Variants in SYMPK observed in about 807,000 individuals in gnomAD.
SYMPK encodes symplekin.
In SYMPK, 49 loss-of-function variants were observed where a neutral mutation model predicts 136.4. The ratio of observed to expected loss-of-function variants is 0.36; its 90% CI spans 0.29 to 0.46. The LOEUF (loss-of-function observed/expected upper bound fraction) is 0.46, where lower values mean the gene tolerates loss of function less well. Among genes scored for constraint, SYMPK ranks in the 20% least tolerant of loss-of-function variants. The pLI is 1.00. For synonymous variants in SYMPK, 766 were observed against 713.0 expected (o/e 1.07, Z -1.19); for missense variants, 1,365 against 1,690.0 (o/e 0.81, Z 3.37).
chr19:45,829,890 G>C (rs193201084), intron 13 of SYMPK, among the ~76,000 whole-genome samples, 164 bp downstream of exon 13: 86 of 152,350 alleles, frequency 5.6e-4, no homozygotes, highest in Admixed American at 5.6e-3. Context: ...TACTGTCTCT[G>C]TTTTATGGAG....
In SYMPK at chr19:45,821,208, G is replaced by A. The variant is rs1378756745; in HGVS notation, c.2893+176C>T. 4 of 694,388 alleles carry A rather than the reference G, an allele frequency of 5.8e-6. No homozygotes were observed. Among genetic ancestry groups the A allele is most frequent in the South Asian group, 1.5e-5 (1 of 65,964 alleles). 43.0% of individuals were successfully genotyped at this position (694,388 alleles called of 1,614,324 possible). On this transcript the variant is annotated intron_variant, in intron 22 of 26. Coordinates refer to ENST00000245934, the MANE Select transcript of SYMPK (RefSeq NM_004819.3). This position sits in a 1 kb window ranked among gnomAD's most constrained non-coding sequence, Gnocchi z 4.4. ...GAAGGAGGAGGGAGGGAGGGAGGGA[G>A]GGAAGAGGAGGCAAGAAAAGGAGGG...
At position 45,831,428 on chromosome 19, in the gene SYMPK, C is replaced by A. The variant is rs761634531; in HGVS notation, c.1554G>T (p.Gln518His). The A allele has an allele frequency of 5.0e-6, 8 of 1,601,986 alleles. No homozygotes were observed. In the Admixed American group the frequency reaches 1.4e-4, roughly 27 times the overall value. Residue 518 changes from glutamine to histidine, a missense_variant, in exon 12 of 27, where the codon CAG becomes CAT. Gln to His is a conservative substitution (Grantham distance 24). This residue lies in a region of SYMPK where 303 missense variants were observed against 326.6 expected (regional missense o/e 0.93). Coordinates refer to ENST00000245934, the MANE Select transcript of SYMPK (RefSeq NM_004819.3). Reference protein sequence around the residue: ...SMSPLEEEAPQAKRRPEPIIP... With the variant: ...SMSPLEEEAPHAKRRPEPIIP... ...TAATGGGCTCTGGCCTCCTCTTGGCCTGCGGTGCCTCTTCCTCCAGGGGGG... is the reference window on the plus strand; with the variant it reads ...TAATGGGCTCTGGCCTCCTCTTGGCATGCGGTGCCTCTTCCTCCAGGGGGG...
At position 45,829,035 on chromosome 19, in the gene SYMPK, G is replaced by C; in HGVS notation, c.1920C>G (p.Asp640Glu). ...GGCGGATGAGGCAGTCCTCATACTTGTCCAGGGAGCCCGAGGCACCTGCGG... is the reference window on the plus strand; with the variant it reads ...GGCGGATGAGGCAGTCCTCATACTTCTCCAGGGAGCCCGAGGCACCTGCGG... Reference protein sequence around the residue: ...YLAAGASGSLDKYEDCLIRLL... With the variant: ...YLAAGASGSLEKYEDCLIRLL... Residue 640 changes from aspartate to glutamate, a missense_variant, in exon 14 of 27, where the codon GAC becomes GAG. Asp to Glu is a conservative substitution (Grantham distance 45). Coordinates refer to ENST00000245934, the MANE Select transcript of SYMPK (RefSeq NM_004819.3). 1 of 1,614,202 alleles carries C rather than the reference G, an allele frequency of 6.2e-7. No individual in the cohort carries two copies. Among genetic ancestry groups the C allele is most frequent in the Non-Finnish European group, 8.5e-7 (1 of 1,180,044 alleles).
chr19:45,816,646 G>T (rs772334233), intron 24 of SYMPK, 69 bp from the exon 25 acceptor site: 1 of 1,597,976 alleles, frequency 6.3e-7, no homozygotes, highest in South Asian at 1.1e-5. Flanking sequence ...CACACCTCAG[G>T]TCCGGGGGCC....
intron 8 of SYMPK, among the ~76,000 whole-genome samples, chr19:45,843,513 C>CA (rs1261505459): frequency 6.6e-6 from 1 of 152,156 alleles, no homozygotes; most frequent in Non-Finnish European, 1.5e-5. Flanking sequence ...TTCACCCCCA[C>CA]ATACCTCAAT....
rs533799001 is a variant in SYMPK, at chr19:45,831,608, C to T, written c.1394-20G>A. On this transcript the variant is annotated intron_variant, in intron 11 of 26. Coordinates refer to ENST00000245934, the MANE Select transcript of SYMPK (RefSeq NM_004819.3). ...CTACACCTGAGGGGGAGGCAGCAAACAGACACCCAGTGCGTCAGACCCACC... is the reference window on the plus strand; with the variant it reads ...CTACACCTGAGGGGGAGGCAGCAAATAGACACCCAGTGCGTCAGACCCACC... 3 of 1,558,516 alleles carry T rather than the reference C, an allele frequency of 1.9e-6. No homozygotes were observed. The East Asian group carries it at 7.1e-5, about 37-fold the overall frequency.
At chr19:45,840,223 G>A (rs1471537951) in intron 9 of SYMPK, among the ~76,000 whole-genome samples, 2 of 149,678 alleles carry the variant, frequency 1.3e-5, no homozygotes, top group Non-Finnish European at 3.0e-5. Flanking sequence ...GCTGAGGAGG[G>A]AGAATCTCTT....
At chr19:45,832,840 T>C (rs1186472792) in intron 11 of SYMPK, among the ~76,000 whole-genome samples, 6 of 119,924 alleles carry the variant, frequency 5.0e-5, no homozygotes, top group African/African-American at 1.7e-4. Flanking sequence ...TGAAACCCCA[T>C]CTCTACTAAA....
At chr19:45,861,736 CAA>C (rs34560122) in intron 1 of SYMPK, among the ~76,000 whole-genome samples, 19,009 of 118,866 alleles carry the variant, frequency 0.16, 1,263 homozygotes, top group Admixed American at 0.21. Flanking sequence ...GACTCTGTCT[CAA>C]AAAAAAAAAA....
chr19:45,847,029 A>G (rs1375534354), intron 7 of SYMPK, among the ~76,000 whole-genome samples: 1 of 151,956 alleles, frequency 6.6e-6, no homozygotes, highest in Non-Finnish European at 1.5e-5. Context: ...CCTGACCCCA[A>G]GTGATCTGCC....
intron 9 of SYMPK, 49 bp downstream of exon 9, chr19:45,842,197 TAATG>T: frequency 6.2e-7 from 1 of 1,609,248 alleles, no homozygotes; most frequent in Admixed American, 1.7e-5. Flanking sequence ...TTAAGGTAAA[TAATG>T]AAACATTTCA....
chr19:45,815,523 G>A lies in SYMPK; in HGVS notation c.*37C>T, dbSNP rs1419110164. 4 of 471,256 alleles carry A rather than the reference G, an allele frequency of 8.5e-6. No homozygotes were observed. The highest frequency in any genetic ancestry group is 4.6e-4 in the Middle Eastern group (1 of 2,174). The allele number at this position is 471,256 out of a possible 1,614,324, so 29.2% of individuals were successfully genotyped here. A position where few individuals can be genotyped will look rare whatever the true frequency, so the allele number is the denominator to read the frequency against. On this transcript the variant is annotated 3_prime_UTR_variant, in exon 27 of 27. Coordinates refer to ENST00000245934, the MANE Select transcript of SYMPK (RefSeq NM_004819.3). ...AAGCCCCGCCCCGTCCCCCAGCCCC[G>A]AGTCCCTGTCCCACCCCCTTTCCCC...
intron 7 of SYMPK, among the ~76,000 whole-genome samples, chr19:45,845,124 T>G (rs1971530022): frequency 6.6e-6 from 1 of 151,880 alleles, no homozygotes; most frequent in Admixed American, 6.6e-5. Flanking sequence ...TCTTTTTTTT[T>G]TTCCCTGAGA....
intron 18 of SYMPK, among the ~76,000 whole-genome samples, chr19:45,824,573 C>G (rs10520390): frequency 0.035 from 5,372 of 152,314 alleles, 129 homozygotes; most frequent in Non-Finnish European, 0.05. Context: ...ATACACTTCT[C>G]TCTCCCGTTT....
rs1555792309 is a variant in SYMPK at position 45,815,504 on chromosome 19, CGCCCCGTCCCCCA to C, written c.*43_*55del. ...GGCAAAGCACCCGCAGGTCAAGCCC[CGCCCCGTCCCCCA>C]GCCCCGAGTCCCTGTCCCACCCCCT... On this transcript the variant is annotated 3_prime_UTR_variant, in exon 27 of 27. Transcript: ENST00000245934. The C allele has an allele frequency of 8.7e-6, 9 of 1,033,634 alleles. No homozygotes were observed. The highest frequency in any genetic ancestry group is 5.4e-5 in the South Asian group (3 of 55,166). The allele number at this position is 1,033,634 out of a possible 1,614,324, so 64.0% of individuals were successfully genotyped here.
At chr19:45,833,428 C>T (rs950702607) in intron 11 of SYMPK, among the ~76,000 whole-genome samples, 4 of 151,856 alleles carry the variant, frequency 2.6e-5, no homozygotes, top group Non-Finnish European at 4.4e-5. Flanking sequence ...GGTGAAACCC[C>T]GTCTCTACTA....
chr19:45,823,885 G>A lies in SYMPK; in HGVS notation c.2491-10C>T. The A allele has an allele frequency of 6.2e-7, 1 of 1,611,482 alleles. No individual in the cohort carries two copies. The highest frequency in any genetic ancestry group is 8.5e-7 in the Non-Finnish European group (1 of 1,178,038). ...TGCCCATTCCTCGGATCTAGAGGCA[G>A]AGACAGGGATGACCAGACCCAGGGT... On this transcript the variant is annotated splice_polypyrimidine_tract_variant and intron_variant, in intron 18 of 26. Coordinates refer to ENST00000245934, the MANE Select transcript of SYMPK (RefSeq NM_004819.3).
At chr19:45,820,821 T>G in intron 22 of SYMPK, 1 of 367,212 alleles carries the variant, frequency 2.7e-6, no homozygotes, top group Non-Finnish European at 4.9e-6. Context: ...GTCTACACAA[T>G]GGAAGTGAAC....
rs754979365 is a variant in SYMPK at position 45,844,112 on chromosome 19, T to C, written c.765A>G (p.Thr255=). 2.4e-5 allele frequency: 38 copies of C among 1,612,962 alleles called. No individual in the cohort carries two copies. In the South Asian group the frequency reaches 2.8e-4, roughly 12 times the overall value. The change falls in exon 8 of 27, where the codon ACA becomes ACG. Residue 255 remains threonine (T), a synonymous_variant. Transcript: ENST00000245934. ...HPAISSINLT[T]ALGSLANIAR... is the part of the protein sequence containing the mutation. ...CGATATTGGCAAGGGAGCCCAGCGC[T>C]GTGGTCAGGTTGATGGAGGAGATGG...
Sources: gnomAD v4.1 joint callset for allele counts (sites outside exome capture counted in the v4.1 genomes callset) on GRCh38, gnomAD v4.1.1 for gene constraint, gnomAD v4.1.1 regional missense constraint, Gnocchi (gnomAD v3.1) non-coding constraint, MANE v1.5 for transcripts, NCBI Gene and HGNC (gene_info 2026-07-23, HGNC 2026-07-21) for gene names.